KCNQ3: variants seen among roughly 807,000 people sequenced by gnomAD.
The protein encoded by KCNQ3 is potassium voltage-gated channel subfamily KQT member 3.
KCNQ3 carries 30 observed loss-of-function variants against 92.5 expected under a neutral mutation model. That is an observed-to-expected ratio of 0.32 (90% CI 0.24 to 0.44). The LOEUF (loss-of-function observed/expected upper bound fraction) is 0.44. Among genes scored for constraint, KCNQ3 ranks in the 20% least tolerant of loss-of-function variants. KCNQ3 has a pLI of 1.00. For missense variants in KCNQ3, 913 were observed against 1,140.3 expected (o/e 0.80, Z 2.87); for synonymous variants, 450 against 468.8 (o/e 0.96, Z 0.52).
At chr8:132,256,011 T>C (rs1815573748) in intron 1 of KCNQ3, among the ~76,000 whole-genome samples, 1 of 151,832 alleles carries the variant, frequency 6.6e-6, no homozygotes, top group South Asian at 2.1e-4. Context: ...CAGAAAATTG[T>C]CAAAAAAAAT....
At chr8:132,349,098 T>C (rs1230422657) in intron 1 of KCNQ3, among the ~76,000 whole-genome samples, 1 of 152,184 alleles carries the variant, frequency 6.6e-6, no homozygotes. Flanking sequence ...TGGAGAGCCC[T>C]TCCACACTTC....
At chr8:132,244,440 A>G (rs1339601900) in intron 1 of KCNQ3, among the ~76,000 whole-genome samples, 1 of 152,034 alleles carries the variant, frequency 6.6e-6, no homozygotes, top group Non-Finnish European at 1.5e-5. Context: ...AATGGAAAGG[A>G]GGAGGTAGTA....
intron 1 of KCNQ3, among the ~76,000 whole-genome samples, chr8:132,389,131 T>C (rs531399466): frequency 2.6e-5 from 4 of 152,290 alleles, no homozygotes; most frequent in African/African-American, 9.6e-5. Flanking sequence ...ATAAAGGACA[T>C]AACTGATCAA....
chr8:132,258,417 G>A (rs573069163), intron 1 of KCNQ3, among the ~76,000 whole-genome samples: 18 of 151,886 alleles, frequency 1.2e-4, no homozygotes, highest in Admixed American at 2.0e-4. Context: ...TCAAGGGGTC[G>A]GAAATAAAAA....
intron 1 of KCNQ3, among the ~76,000 whole-genome samples, chr8:132,337,941 C>A (rs956828458): frequency 1.3e-5 from 2 of 152,144 alleles, no homozygotes; most frequent in Admixed American, 6.5e-5. Context: ...TTCTTATCAT[C>A]TAAATATTTT....
intron 1 of KCNQ3, among the ~76,000 whole-genome samples, chr8:132,197,822 A>G (rs1275950130): frequency 6.6e-6 from 1 of 152,220 alleles, no homozygotes; most frequent in South Asian, 2.1e-4. Flanking sequence ...AATAGGTACT[A>G]CAAAGTGATG....
chr8:132,328,389 G>A (rs959280787), intron 1 of KCNQ3, among the ~76,000 whole-genome samples: 5 of 152,214 alleles, frequency 3.3e-5, no homozygotes, highest in South Asian at 2.1e-4. Flanking sequence ...CTTCACCTTC[G>A]GCAGGCCAGG....
intron 1 of KCNQ3, among the ~76,000 whole-genome samples, chr8:132,261,638 G>A (rs574003543): frequency 1.3e-5 from 2 of 152,212 alleles, no homozygotes; most frequent in Non-Finnish European, 2.9e-5. Context: ...AGACGTGACT[G>A]AGAGGACAAG....
intron 1 of KCNQ3, among the ~76,000 whole-genome samples, chr8:132,342,882 A>G (rs1220864462): frequency 6.6e-6 from 1 of 152,242 alleles, no homozygotes; most frequent in Non-Finnish European, 1.5e-5. Flanking sequence ...ATCATGAGAT[A>G]TGGCTTGTAT....
chr8:132,469,323 T>C (rs1402852068), intron 1 of KCNQ3, among the ~76,000 whole-genome samples: 1 of 152,206 alleles, frequency 6.6e-6, no homozygotes, highest in Non-Finnish European at 1.5e-5. Context: ...ACCTGATCCT[T>C]CTACAGCTTT....
intron 1 of KCNQ3, among the ~76,000 whole-genome samples, chr8:132,434,694 T>C (rs1279869380): frequency 2.6e-5 from 4 of 152,236 alleles, no homozygotes; most frequent in Admixed American, 2.6e-4. Flanking sequence ...CCATCTCAGA[T>C]AAGACCAGGA....
At chr8:132,457,579 A>G (rs1821971250) in intron 1 of KCNQ3, among the ~76,000 whole-genome samples, 1 of 151,802 alleles carries the variant, frequency 6.6e-6, no homozygotes. Flanking sequence ...CCTAACCCAG[A>G]CTCTGACACC....
intron 2 of KCNQ3, 67 bp downstream of exon 2, chr8:132,186,024 A>G: frequency 1.6e-6 from 2 of 1,239,236 alleles, no homozygotes; most frequent in South Asian, 1.2e-5. Context: ...AGTGCACCCA[A>G]GGGCAACCTC....
At chr8:132,215,266 C>T (rs538149443) in intron 1 of KCNQ3, among the ~76,000 whole-genome samples, 1 of 152,306 alleles carries the variant, frequency 6.6e-6, no homozygotes, top group African/African-American at 2.4e-5. Flanking sequence ...ACAATGTTTA[C>T]ATGGGTGCCC....
At chr8:132,173,254 G>C (rs1266279441) in intron 6 of KCNQ3, among the ~76,000 whole-genome samples, 1 of 152,130 alleles carries the variant, frequency 6.6e-6, no homozygotes, top group African/African-American at 2.4e-5. Context: ...AGCTGAAAGA[G>C]AACTTGAAGA....
chr8:132,164,481 AGAGAAGT>A, intron 8 of KCNQ3, among the ~76,000 whole-genome samples: 1 of 152,282 alleles, frequency 6.6e-6, no homozygotes, highest in South Asian at 2.1e-4. Flanking sequence ...GAATCATGGC[AGAGAAGT>A]AAAAGAGTTA....
chr8:132,262,846 C>T (rs1815834427), intron 1 of KCNQ3, among the ~76,000 whole-genome samples: 1 of 152,134 alleles, frequency 6.6e-6, no homozygotes, highest in South Asian at 2.1e-4. Context: ...CTAACTGAAA[C>T]ACCGCCACTC....
chr8:132,395,874 G>A (rs928761728), intron 1 of KCNQ3, among the ~76,000 whole-genome samples: 5 of 152,188 alleles, frequency 3.3e-5, no homozygotes, highest in Non-Finnish European at 5.9e-5. Context: ...AGAACCCATG[G>A]GAACACGAAC....
intron 1 of KCNQ3, among the ~76,000 whole-genome samples, chr8:132,196,794 A>G (rs1586821158): frequency 6.6e-6 from 1 of 152,204 alleles, no homozygotes; most frequent in African/African-American, 2.4e-5. Context: ...AAGGCTTTCA[A>G]AGATAAATAG....
Sources: allele counts gnomAD v4.1 joint callset (sites outside exome capture counted in the v4.1 genomes callset), GRCh38; gene constraint gnomAD v4.1.1; transcripts MANE v1.5; gene names NCBI Gene and HGNC (gene_info 2026-07-23, HGNC 2026-07-21).